The following MYH11 variants were observed in gnomAD, a reference collection of about 807,000 sequenced individuals.
The protein encoded by MYH11 is myosin heavy chain 11.
MYH11 carries 80 observed loss-of-function variants against 246.6 expected under a neutral mutation model. That is an observed-to-expected ratio of 0.32 (90% CI 0.27 to 0.39). The LOEUF is 0.39. Among genes scored for constraint, MYH11 ranks in the 10% least tolerant of loss-of-function variants. The pLI, the probability that MYH11 is intolerant of heterozygous loss-of-function variation, is 1.00. For synonymous variants in MYH11, 1,071 were observed against 1,015.5 expected (o/e 1.05, Z -1.04); for missense variants, 2,158 against 2,546.8 (o/e 0.85, Z 3.29).
At chr16:15,808,734 T>G (rs540003750) in intron 3 of MYH11, among the ~76,000 whole-genome samples, 1 of 151,506 alleles carries the variant, frequency 6.6e-6, no homozygotes, top group Non-Finnish European at 1.5e-5. Flanking sequence ...GAAAAAAAAA[T>G]TTTTTTTAAT....
chr16:15,830,635 T>G (rs1330343589), intron 2 of MYH11, among the ~76,000 whole-genome samples: 1 of 152,154 alleles, frequency 6.6e-6, no homozygotes, highest in Non-Finnish European at 1.5e-5. Flanking sequence ...TGTAGCACTT[T>G]GGGAGGCTGA....
At chr16:15,740,010 C>T (rs370068808) in intron 23 of MYH11, 41 bp downstream of exon 23, 9 of 1,608,550 alleles carry the variant, frequency 5.6e-6, no homozygotes, top group South Asian at 2.2e-5. Flanking sequence ...CCAAAGTGCT[C>T]GGATTATAGG....
chr16:15,803,056 G>C (rs2042924050), intron 3 of MYH11, among the ~76,000 whole-genome samples: 1 of 151,570 alleles, frequency 6.6e-6, no homozygotes, highest in Non-Finnish European at 1.5e-5. Flanking sequence ...AGAATCACTT[G>C]AACCCAGGAG....
In MYH11 at chr16:15,703,913, G is replaced by A; in HGVS notation, c.*78C>T. On this transcript the variant is annotated 3_prime_UTR_variant, in exon 41 of 41. Coordinates refer to ENST00000300036, the MANE Select transcript of MYH11 (RefSeq NM_002474.3). ...GTCTGCTGGGTTTTGCTTTGTTCTG[G>A]GTTGTTGTTGGGTTTTTTTTGTTTG... The A allele has an allele frequency of 6.3e-7, 1 of 1,594,474 alleles. No individual in the cohort carries two copies. Among genetic ancestry groups the A allele is most frequent in the Non-Finnish European group, 8.6e-7 (1 of 1,164,198 alleles).
chr16:15,821,731 A>G (rs1442484350), intron 3 of MYH11, among the ~76,000 whole-genome samples: 3 of 146,924 alleles, frequency 2.0e-5, no homozygotes, highest in Non-Finnish European at 3.0e-5. Flanking sequence ...ATCCTGGCTA[A>G]CAAGGTGAAA....
intron 3 of MYH11, among the ~76,000 whole-genome samples, chr16:15,807,412 G>A (rs1416207835): frequency 6.6e-6 from 1 of 152,170 alleles, no homozygotes; most frequent in Non-Finnish European, 1.5e-5. Context: ...AAGTGCTATA[G>A]ACGTCAGGTT....
chr16:15,812,706 C>T (rs2043168627), intron 3 of MYH11, among the ~76,000 whole-genome samples: 1 of 151,618 alleles, frequency 6.6e-6, no homozygotes, highest in Non-Finnish European at 1.5e-5. Flanking sequence ...AATCCCGTCT[C>T]CACAAAAAAT....
At chr16:15,747,995 C>T (rs1220088008) in intron 17 of MYH11, 52 bp from the exon 18 acceptor site, 1 of 1,614,182 alleles carries the variant, frequency 6.2e-7, no homozygotes, top group African/African-American at 1.3e-5. Context: ...TCCATTCCTC[C>T]ACCCAGTCCC....
intron 37 of MYH11, chr16:15,717,943 T>C (rs941356528): frequency 1.1e-5 from 4 of 365,214 alleles, no homozygotes; most frequent in Non-Finnish European, 2.1e-5. Flanking sequence ...TGGTCCCTAG[T>C]GCCCACCATG....
rs2040440828 is a variant in MYH11, at chr16:15,720,980, C to G, written c.4650G>C (p.Glu1550Asp). The G allele has an allele frequency of 1.2e-6, 2 of 1,614,028 alleles. No individual in the cohort carries two copies. Among genetic ancestry groups the G allele is most frequent in the African/African-American group, 2.7e-5 (2 of 74,908 alleles). ...CCGTGGCTTGCAGCTCGTCCTCCAG[C>G]TCTTCCAGCTGCGTCTTCATCTCCT... is the stretch of plus-strand genomic sequence containing the variant. Reference protein sequence around the residue: ...QMEEMKTQLEELEDELQATED... With the variant: ...QMEEMKTQLEDLEDELQATED... Residue 1550 changes from glutamate (E) to aspartate (D), a missense_variant, in exon 33 of 41, where the codon GAG (glutamate) becomes GAC (aspartate). Glu to Asp is a conservative substitution (Grantham distance 45). Transcript: ENST00000300036.
chr16:15,740,516 C>T (rs2041243407), intron 22 of MYH11, among the ~76,000 whole-genome samples: 1 of 151,554 alleles, frequency 6.6e-6, no homozygotes, highest in South Asian at 2.1e-4. Context: ...GAGGCTGAGG[C>T]AGGAGAATCG....
rs538656322 is a variant in MYH11 at position 15,735,225 on chromosome 16, C to T, written c.3506+141G>A. ...AAAAAAGAAACAGCCAACCATGCTT[C>T]TATAAGTTAAAGCAAACCGCGGCCA... is the stretch of plus-strand genomic sequence containing the variant. On this transcript the variant is annotated intron_variant, in intron 26 of 40. Transcript: ENST00000300036. 1.4e-4 allele frequency: 117 copies of T among 855,442 alleles called. 1 individual carries two copies. The East Asian group carries it at 2.9e-3, about 21-fold the overall frequency. The allele number at this position is 855,442 out of a possible 1,614,324, so 53.0% of individuals were successfully genotyped here.
At chr16:15,838,348 C>G in intron 1 of MYH11, 79 bp from the exon 2 acceptor site, 1 of 1,160,124 alleles carries the variant, frequency 8.6e-7, no homozygotes, top group Non-Finnish European at 1.3e-6. Context: ...CTTGCCCTGT[C>G]TAGGAACTCG....
At position 15,735,511 on chromosome 16, in the gene MYH11, A is replaced by G; in HGVS notation, c.3361T>C (p.Ser1121Pro). 6.2e-7 allele frequency: 1 copy of G among 1,614,022 alleles called. No individual in the cohort carries two copies. The highest frequency in any genetic ancestry group is 8.5e-7 in the Non-Finnish European group (1 of 1,180,014). Residue 1121 changes from serine (S) to proline (P), a missense_variant, in exon 26 of 41, where the codon TCA becomes CCA. Physicochemically the swap from Ser to Pro is moderately conservative, Grantham distance 74. Coordinates refer to ENST00000300036, the MANE Select transcript of MYH11 (RefSeq NM_002474.3). The part of the protein sequence containing the change: ...KKIRELEGHI[S>P]DLQEDLDSER... ...GAGTCCAGGTCCTCCTGGAGGTCTG[A>G]GATGTGGCCCTCCAGCTCCCGGATC... is the stretch of plus-strand genomic sequence containing the variant.
chr16:15,830,580 A>C (rs2043707753), intron 2 of MYH11, among the ~76,000 whole-genome samples: 1 of 152,050 alleles, frequency 6.6e-6, no homozygotes, highest in Admixed American at 6.5e-5. Flanking sequence ...CTGCATGTGT[A>C]TAAAACATCA....
intron 25 of MYH11, among the ~76,000 whole-genome samples, 169 bp from the exon 26 acceptor site, chr16:15,735,747 A>G (rs547401622): frequency 6.6e-6 from 1 of 152,336 alleles, no homozygotes; most frequent in South Asian, 2.1e-4. Flanking sequence ...TATGAGATTA[A>G]CATAGGATGT....
chr16:15,748,641 G>A lies in MYH11; in HGVS notation c.2059-473C>T, dbSNP rs186928371. 1.6e-3 allele frequency among the ~76,000 whole-genome samples: 238 copies of A among 151,976 alleles called. 2 individuals carry two copies. Among genetic ancestry groups the A allele is most frequent in the African/African-American group, 5.5e-3 (229 of 41,442 alleles). On this transcript the variant is annotated intron_variant, in intron 16 of 40. Transcript: ENST00000300036. Reference sequence around the variant, plus strand: ...TTGTCCTTTTTATTTTTTGAGATAGGGTCCCATTCTGTCAGCCAGGCTGGA... The same window carrying A: ...TTGTCCTTTTTATTTTTTGAGATAGAGTCCCATTCTGTCAGCCAGGCTGGA...
chr16:15,772,383 C>T (rs1328090497), intron 8 of MYH11, among the ~76,000 whole-genome samples: 1 of 152,106 alleles, frequency 6.6e-6, no homozygotes, highest in Non-Finnish European at 1.5e-5. Context: ...TGAGCCACCG[C>T]ACCTGGCCTT....
At chr16:15,772,033 C>T (rs534350152) in intron 8 of MYH11, among the ~76,000 whole-genome samples, 17 of 151,676 alleles carry the variant, frequency 1.1e-4, no homozygotes, top group African/African-American at 3.9e-4. Context: ...TAGAGGCACC[C>T]TGCCTTCAGC....
Sources: gnomAD v4.1 joint callset for allele counts (sites outside exome capture counted in the v4.1 genomes callset) on GRCh38, gnomAD v4.1.1 for gene constraint, MANE v1.5 for transcripts, NCBI Gene and HGNC (gene_info 2026-07-23, HGNC 2026-07-21) for gene names.